Variants in SHE observed in about 807,000 individuals in gnomAD.
SHE encodes SH2 domain-containing adapter protein E.
In SHE, 11 loss-of-function variants were observed where a neutral mutation model predicts 49.8. That is an observed-to-expected ratio of 0.22 (90% CI 0.14 to 0.37). SHE has a LOEUF of 0.37. SHE is among the 10% of genes least tolerant of loss of function. SHE has a pLI of 1.00. For synonymous variants in SHE, 310 were observed against 278.1 expected (o/e 1.11, Z -1.14); for missense variants, 624 against 655.5 (o/e 0.95, Z 0.52).
chr1:154,486,500 T>C (rs377698005), intron 4 of SHE, 27 bp downstream of exon 4: 12 of 1,611,918 alleles, frequency 7.4e-6, no homozygotes, highest in African/African-American at 1.3e-5. Context: ...CTGTTGTCTG[T>C]TACAAGGATC....
At chr1:154,488,262 A>G (rs958362519) in intron 3 of SHE, among the ~76,000 whole-genome samples, 2 of 146,978 alleles carry the variant, frequency 1.4e-5, no homozygotes, top group Admixed American at 1.4e-4. Context: ...TTGTATAATT[A>G]TTATTATTAT....
At chr1:154,477,087 C>T (rs889606253), downstream of SHE, among the ~76,000 whole-genome samples, 3 of 152,206 alleles carry the variant, frequency 2.0e-5, no homozygotes, top group Non-Finnish European at 2.9e-5. Flanking sequence ...GTTCTACAGG[C>T]AGAGCCTCTC....
chr1:154,497,791 C>T (rs750652396), intron 2 of SHE, among the ~76,000 whole-genome samples: 2 of 151,958 alleles, frequency 1.3e-5, no homozygotes, highest in Non-Finnish European at 2.9e-5. Context: ...AGTGATTCTC[C>T]TGCCTCAGCC....
intron 5 of SHE, chr1:154,485,086 T>A (rs1571046632): frequency 6.6e-6 from 1 of 151,614 alleles, no homozygotes; most frequent in Admixed American, 6.6e-5. Flanking sequence ...TAAATAATAA[T>A]AATAAAAACC....
rs1692008961 is a variant in SHE, at chr1:154,481,140, G to A, written c.*3009C>T. 2.0e-6 allele frequency: 2 copies of A among 985,314 alleles called. No homozygotes were observed. The highest frequency in any genetic ancestry group is 9.4e-5 in the South Asian group (2 of 21,290). The allele number at this position is 985,314 out of a possible 1,614,324, so 61.0% of individuals were successfully genotyped here. A position where few individuals can be genotyped will look rare whatever the true frequency, so the allele number is the denominator to read the frequency against. On this transcript the variant is annotated 3_prime_UTR_variant, in exon 6 of 6. Coordinates refer to ENST00000304760, the MANE Select transcript of SHE (RefSeq NM_001010846.3). ...ATGTCACAGAGCTTCAGATCAGCTG[G>A]CCATGGAGGTTTAACAAGGAAGCCA... is the stretch of plus-strand genomic sequence containing the variant.
intron 1 of SHE, among the ~76,000 whole-genome samples, chr1:154,500,310 C>G (rs1293154237): frequency 2.0e-5 from 3 of 152,218 alleles, no homozygotes; most frequent in African/African-American, 7.2e-5. Flanking sequence ...GTCACACAGT[C>G]AGGTGGACCA....
At chr1:154,478,926 A>C (rs1221915251), downstream of SHE, among the ~76,000 whole-genome samples, 1 of 152,182 alleles carries the variant, frequency 6.6e-6, no homozygotes, top group Non-Finnish European at 1.5e-5. Context: ...GGAATTTTGG[A>C]GGGGAAAACT....
At chr1:154,486,732 G>A in intron 3 of SHE, 49 bp from the exon 4 acceptor site, 4 of 1,594,436 alleles carry the variant, frequency 2.5e-6, no homozygotes, top group Non-Finnish European at 3.4e-6. Flanking sequence ...GGTGACCCAT[G>A]TAAACTTCAA....
In SHE at chr1:154,483,071, A is replaced by T; in HGVS notation, c.*1078T>A. 1 of 985,112 alleles carries T rather than the reference A, an allele frequency of 1.0e-6. No homozygotes were observed. Among genetic ancestry groups the T allele is most frequent in the Non-Finnish European group, 1.2e-6 (1 of 829,618 alleles). 61.0% of individuals were successfully genotyped at this position (985,112 alleles called of 1,614,324 possible). On this transcript the variant is annotated 3_prime_UTR_variant, in exon 6 of 6. Coordinates refer to ENST00000304760, the MANE Select transcript of SHE (RefSeq NM_001010846.3). Reference sequence around the variant, plus strand: ...AGCTTTGCAAATTTCCAGAATTTTAAAATTCAGAAATGAAATTTTTGTTGT... The same window carrying T: ...AGCTTTGCAAATTTCCAGAATTTTATAATTCAGAAATGAAATTTTTGTTGT...
Position 154,481,746 on chromosome 1 carries a change from T to A in SHE, c.*2403A>T, listed in dbSNP as rs1447327126. 1.0e-6 allele frequency: 1 copy of A among 961,744 alleles called. No individual in the cohort carries two copies. The highest frequency in any genetic ancestry group is 1.2e-6 in the Non-Finnish European group (1 of 808,560). The allele number at this position is 961,744 out of a possible 1,614,324, so 59.6% of individuals were successfully genotyped here. Reference sequence around the variant, plus strand: ...AGATAATAAATATTTGTTGAATGGATGCTGAAAAAACCTTTTAAAATCTTA... The same window carrying A: ...AGATAATAAATATTTGTTGAATGGAAGCTGAAAAAACCTTTTAAAATCTTA... On this transcript the variant is annotated 3_prime_UTR_variant, in exon 6 of 6. Transcript: ENST00000304760.
intron 3 of SHE, among the ~76,000 whole-genome samples, chr1:154,488,784 G>C (rs111885536): frequency 3.3e-5 from 5 of 150,872 alleles, no homozygotes. Flanking sequence ...ATGGAGTTTC[G>C]CCATGTTGAC....
chr1:154,493,624 A>C (rs115921012), intron 2 of SHE, among the ~76,000 whole-genome samples: 2,164 of 152,314 alleles, frequency 0.014, 45 homozygotes, highest in African/African-American at 0.049. Context: ...ATAGGGGCCC[A>C]AAATTTTCCC....
chr1:154,472,793 A>G (rs1691775808), intron 1 of SHE, among the ~76,000 whole-genome samples: 1 of 152,206 alleles, frequency 6.6e-6, no homozygotes. Flanking sequence ...AAAGCAGTAC[A>G]CCAACTGGCC....
At chr1:154,486,098 G>A (rs774714339) in intron 4 of SHE, 36 bp from the exon 5 acceptor site, 1 of 1,600,664 alleles carries the variant, frequency 6.2e-7, no homozygotes, top group Non-Finnish European at 8.5e-7. Flanking sequence ...AAAGCACCAT[G>A]AGTGTCAAAA....
intron 1 of SHE, 26 bp from the exon 2 acceptor site, chr1:154,499,264 T>C (rs1381314549): frequency 6.2e-7 from 1 of 1,606,412 alleles, no homozygotes; most frequent in Admixed American, 1.7e-5. Flanking sequence ...AGAGGACAGT[T>C]GCTAAGGGCC....
At chr1:154,499,443 C>T (rs1015328925) in intron 1 of SHE, among the ~76,000 whole-genome samples, 1 of 152,142 alleles carries the variant, frequency 6.6e-6, no homozygotes, top group Non-Finnish European at 1.5e-5. Flanking sequence ...TGCAACAATT[C>T]ATCTAACTCT....
In SHE at chr1:154,501,858, T is replaced by C; in HGVS notation, c.169A>G (p.Lys57Glu). 1 of 1,537,472 alleles carries C rather than the reference T, an allele frequency of 6.5e-7. No individual in the cohort carries two copies. The highest frequency in any genetic ancestry group is 8.7e-7 in the Non-Finnish European group (1 of 1,148,560). Residue 57 changes from lysine (K) to glutamate (E), a missense_variant, in exon 1 of 6, where the codon AAG (lysine) becomes GAG (glutamate). Physicochemically the swap from Lys to Glu is moderately conservative, Grantham distance 56. Coordinates refer to ENST00000304760, the MANE Select transcript of SHE (RefSeq NM_001010846.3). ...AATTTGCCGCCGCCGCCCCCGGGCT[T>C]GGCCCGCTCCGACACGGTCTTCAGG... ...LNLKTVSERA[K>E]PGGGGGKLRK...
downstream of SHE, among the ~76,000 whole-genome samples, chr1:154,475,001 C>T (rs1275750608): frequency 1.3e-5 from 2 of 152,146 alleles, no homozygotes; most frequent in Non-Finnish European, 2.9e-5. Context: ...GCCTGGTCAG[C>T]CACACAATTA....
At chr1:154,473,004 ATT>A (rs952815931) in intron 1 of SHE, among the ~76,000 whole-genome samples, 1 of 149,108 alleles carries the variant, frequency 6.7e-6, no homozygotes, top group Non-Finnish European at 1.5e-5. Flanking sequence ...CTACAAAATA[ATT>A]TTTTTTTTTG....
Sources: gnomAD v4.1 joint callset for allele counts (sites outside exome capture counted in the v4.1 genomes callset) on GRCh38, gnomAD v4.1.1 for gene constraint, MANE v1.5 for transcripts, NCBI Gene and HGNC (gene_info 2026-07-23, HGNC 2026-07-21) for gene names.